Variants in FGF16 observed in about 807,000 individuals in gnomAD.
The protein encoded by FGF16 is fibroblast growth factor 16.
A neutral mutation model predicts 8.5 loss-of-function variants in FGF16; 2 were observed. That is an observed-to-expected ratio of 0.24 (90% CI 0.10 to 0.75). FGF16 has a LOEUF of 0.75. Among genes scored for constraint, FGF16 ranks in the 30% least tolerant of loss-of-function variants. The pLI is 0.74. For missense variants in FGF16, 79 were observed against 87.4 expected, an observed-to-expected ratio of 0.90 and a Z score of 0.38; for synonymous variants, 33 against 34.6, an observed-to-expected ratio of 0.95 and a Z score of 0.16.
intron 1 of FGF16, among the ~76,000 whole-genome samples, chrX:77,453,225 A>G (rs1557026797): frequency 2.7e-5 from 3 of 112,267 alleles, no homozygotes; most frequent in Non-Finnish European, 1.9e-5. Context: ...TCAAAGAGGA[A>G]TCTAGTTGAC....
In FGF16 at chrX:77,457,201, A is replaced by C. The variant is rs1272587626; in HGVS notation, c.*679A>C. ...CGATGGCTGGATTTTCATCAGAAAGAATAAGGTCCTACTGAAACAGGATAA... is the reference window on the plus strand; with the variant it reads ...CGATGGCTGGATTTTCATCAGAAAGCATAAGGTCCTACTGAAACAGGATAA... On this transcript the variant is annotated 3_prime_UTR_variant, in exon 3 of 3. Transcript: ENST00000439435. The C allele has an allele frequency of 4.5e-5, 5 of 112,082 alleles. No individual in the cohort carries two copies. Among genetic ancestry groups the C allele is most frequent in the Non-Finnish European group, 9.4e-5 (5 of 53,202 alleles). The allele number at this position is 112,082 out of a possible 1,213,427, so 9.2% of individuals were successfully genotyped here. A position where few individuals can be genotyped will look rare whatever the true frequency, so the allele number is the denominator to read the frequency against.
In FGF16 at chrX:77,456,634, A is replaced by T; in HGVS notation, c.*112A>T. ...TCCTTCCTATCATTTTAGATAACAGAAAAGCACTTACTGTTGAACTCAACC... is the reference window on the plus strand; with the variant it reads ...TCCTTCCTATCATTTTAGATAACAGTAAAGCACTTACTGTTGAACTCAACC... On this transcript the variant is annotated 3_prime_UTR_variant, in exon 3 of 3. Transcript: ENST00000439435. The T allele has an allele frequency of 2.7e-6, 2 of 745,237 alleles. No individual in the cohort carries two copies. Among genetic ancestry groups the T allele is most frequent in the African/African-American group, 2.1e-5 (1 of 47,600 alleles). 61.4% of individuals were successfully genotyped at this position (745,237 alleles called of 1,213,427 possible). A position where few individuals can be genotyped will look rare whatever the true frequency, so the allele number is the denominator to read the frequency against.
intron 2 of FGF16, among the ~76,000 whole-genome samples, chrX:77,455,781 A>G (rs1344951924): frequency 8.9e-6 from 1 of 111,822 alleles, no homozygotes. Flanking sequence ...TTTCAAGGAG[A>G]TCTTTTCTGA....
chrX:77,454,478 A>G (rs1489757067), intron 2 of FGF16, among the ~76,000 whole-genome samples: 2 of 105,285 alleles, frequency 1.9e-5, no homozygotes, highest in African/African-American at 7.0e-5. Flanking sequence ...GTGAAACTCC[A>G]TCTCTACTAA....
intron 2 of FGF16, among the ~76,000 whole-genome samples, chrX:77,454,668 A>T (rs935413752): frequency 1.9e-5 from 2 of 103,631 alleles, no homozygotes; most frequent in Non-Finnish European, 3.9e-5. Flanking sequence ...AAAAAAAGAA[A>T]TTTATCTAGC....
At chrX:77,448,466 G>A (rs1249907196) in intron 1 of FGF16, among the ~76,000 whole-genome samples, 1 of 112,614 alleles carries the variant, frequency 8.9e-6, no homozygotes, top group Non-Finnish European at 1.9e-5. Context: ...CCTTGGGGTC[G>A]CTCTGTCCAG....
At chrX:77,448,885 T>G (rs1343711908) in intron 1 of FGF16, among the ~76,000 whole-genome samples, 3 of 111,318 alleles carry the variant, frequency 2.7e-5, no homozygotes, top group Non-Finnish European at 5.7e-5. Context: ...TCATGGGGGG[T>G]TCTGTGACAG....
At chrX:77,455,783 C>T (rs1242732497) in intron 2 of FGF16, among the ~76,000 whole-genome samples, 1 of 111,973 alleles carries the variant, frequency 8.9e-6, no homozygotes, top group Non-Finnish European at 1.9e-5. Context: ...TCAAGGAGAT[C>T]TTTTCTGAGC....
chrX:77,449,989 C>T (rs145735876), intron 1 of FGF16, among the ~76,000 whole-genome samples: 1,392 of 112,242 alleles, frequency 0.012, 24 homozygotes, highest in African/African-American at 0.043. Context: ...TCTTTGTAAC[C>T]TTCCCTGCCA....
intron 1 of FGF16, among the ~76,000 whole-genome samples, chrX:77,453,593 T>G: frequency 8.9e-6 from 1 of 111,805 alleles, no homozygotes; most frequent in South Asian, 3.8e-4. Flanking sequence ...AAGTTTTGCC[T>G]CCTGCCATAA....
At chrX:77,453,468 C>T (rs1388505483) in intron 1 of FGF16, among the ~76,000 whole-genome samples, 2 of 112,290 alleles carry the variant, frequency 1.8e-5, no homozygotes, top group Non-Finnish European at 3.8e-5. Flanking sequence ...TCCAATACCA[C>T]CTGCCAACTC....
chrX:77,448,703 C>T (rs1356691162), intron 1 of FGF16, among the ~76,000 whole-genome samples: 2 of 111,949 alleles, frequency 1.8e-5, no homozygotes, highest in Non-Finnish European at 3.8e-5. Flanking sequence ...TGTCTGTTTG[C>T]CTGCCACTAT....
rs1159536591 is a variant in FGF16 at position 77,456,949 on chromosome X, GCCTTGCTGCAAGCCTTC to G, written c.*431_*447del. On this transcript the variant is annotated 3_prime_UTR_variant, in exon 3 of 3. Transcript: ENST00000439435. ...CATTAAGAAAATCCTTGGGGCTACA[GCCTTGCTGCAAGCCTTC>G]CCTGCATTGGCTCTGCAGATTTCTC... is the stretch of plus-strand genomic sequence containing the variant. 8.5e-6 allele frequency: 1 copy of G among 118,136 alleles called. No individual in the cohort carries two copies. The highest frequency in any genetic ancestry group is 1.7e-5 in the Non-Finnish European group (1 of 57,371). 9.7% of individuals were successfully genotyped at this position (118,136 alleles called of 1,213,427 possible).
rs1185425301 is a variant in FGF16 at position 77,447,445 on chromosome X, TTGAC to T, written c.-226_-223del. On this transcript the variant is annotated 5_prime_UTR_variant, in exon 1 of 3. The change abolishes the stop of an existing upstream ORF in the 5' untranslated region. Transcript: ENST00000439435. ...ATGGATGCGGAGGGGAAGAGGCACT[TTGAC>T]TGAGAGCAAGGTCAGGAGCACGCTG... 7.6e-6 allele frequency: 2 copies of T among 264,819 alleles called. No homozygotes were observed. The highest frequency in any genetic ancestry group is 5.5e-5 in the East Asian group (1 of 18,054). 21.8% of individuals were successfully genotyped at this position (264,819 alleles called of 1,213,427 possible).
Position 77,447,569 on chromosome X carries a change from G to T in FGF16, c.-106G>T, listed in dbSNP as rs2062544955. ...GGAGCAAGCGAGCTAGCGAGGGAGC[G>T]CCGCCGAACCGCCCGCGCCCGCTGC... On this transcript the variant is annotated 5_prime_UTR_variant, in exon 1 of 3. Transcript: ENST00000439435. 4 of 286,912 alleles carry T rather than the reference G, an allele frequency of 1.4e-5. No individual in the cohort carries two copies. The South Asian group carries it at 6.3e-4, about 45-fold the overall frequency. The allele number at this position is 286,912 out of a possible 1,213,427, so 23.6% of individuals were successfully genotyped here. A position where few individuals can be genotyped will look rare whatever the true frequency, so the allele number is the denominator to read the frequency against.
intron 2 of FGF16, among the ~76,000 whole-genome samples, chrX:77,455,062 G>A (rs1383168180): frequency 2.7e-5 from 3 of 111,822 alleles, no homozygotes; most frequent in African/African-American, 9.7e-5. Flanking sequence ...GCCTCCCAAA[G>A]TGCTGGGATT....
At chrX:77,454,513 G>A (rs782524814) in intron 2 of FGF16, among the ~76,000 whole-genome samples, 1 of 104,511 alleles carries the variant, frequency 9.6e-6, no homozygotes, top group Middle Eastern at 4.8e-3. Flanking sequence ...AAATTAGCCG[G>A]GCATGCTGGC....
intron 1 of FGF16, 111 bp downstream of exon 1, chrX:77,448,059 G>C: frequency 3.4e-6 from 1 of 297,328 alleles, no homozygotes; most frequent in Non-Finnish European, 5.9e-6. Context: ...GGTGTCGTCC[G>C]GGCCAGTCGA....
intron 1 of FGF16, among the ~76,000 whole-genome samples, chrX:77,449,471 G>T (rs1237118548): frequency 1.8e-5 from 2 of 110,726 alleles, no homozygotes; most frequent in African/African-American, 6.6e-5. Context: ...GGCCTCAGAG[G>T]CTTCCTGAAA....
Sources: allele counts gnomAD v4.1 joint callset (sites outside exome capture counted in the v4.1 genomes callset), GRCh38; gene constraint gnomAD v4.1.1; transcripts MANE v1.5; gene names NCBI Gene and HGNC (gene_info 2026-07-23, HGNC 2026-07-21).